The following TMED3 variants were observed in gnomAD, a reference collection of about 807,000 sequenced individuals.
The protein encoded by TMED3 is transmembrane emp24 domain-containing protein 3.
In TMED3, 9 loss-of-function variants were observed where a neutral mutation model predicts 15.0. The ratio of observed to expected loss-of-function variants is 0.60; its 90% confidence interval spans 0.36 to 1.04. TMED3 has a LOEUF of 1.04. Ranked by LOEUF, TMED3 falls within the 50% of genes least tolerant of loss-of-function variation. The pLI is 0.01. For missense variants in TMED3, 267 were observed against 278.9 expected (o/e 0.96, Z 0.30); for synonymous variants, 117 against 121.4 (o/e 0.96, Z 0.24).
chr15:79,380,464 T>G (rs978161870), intron 2 of TMED3, among the ~76,000 whole-genome samples: 14 of 147,432 alleles, frequency 9.5e-5, no homozygotes, highest in Admixed American at 8.2e-4. Flanking sequence ...ATGTTATATA[T>G]GGTTATATAT....
At chr15:79,352,090 G>T (rs576998279) in intron 2 of TMED3, among the ~76,000 whole-genome samples, 142 of 151,874 alleles carry the variant, frequency 9.3e-4, no homozygotes, top group African/African-American at 3.4e-3. Context: ...GGGGGGTGAG[G>T]GGTAAAAACC....
intron 2 of TMED3, among the ~76,000 whole-genome samples, chr15:79,333,167 C>T (rs2058815697): frequency 6.6e-6 from 1 of 152,210 alleles, no homozygotes; most frequent in Middle Eastern, 3.2e-3. Flanking sequence ...TTACCTGGTA[C>T]AGGTCTACTG....
chr15:79,405,952 A>G (rs1265831361), intron 2 of TMED3, among the ~76,000 whole-genome samples: 2 of 152,246 alleles, frequency 1.3e-5, no homozygotes, highest in African/African-American at 4.8e-5. Context: ...TGCCAGCTCA[A>G]TAGCCACAGT....
chr15:79,333,418 G>C (rs538083144), intron 2 of TMED3, among the ~76,000 whole-genome samples: 2 of 152,266 alleles, frequency 1.3e-5, no homozygotes, highest in Non-Finnish European at 2.9e-5. Flanking sequence ...GAAAGCAACT[G>C]TCTTTTTCCT....
rs537271134 is a variant in TMED3, at chr15:79,405,200, A to G, written c.418-6200A>G. Among the ~76,000 whole-genome samples, 7 of 152,260 alleles carry G rather than the reference A, an allele frequency of 4.6e-5. No homozygotes were observed. The South Asian group carries it at 1.5e-3, about 32-fold the overall frequency. ...AGCAGCATGACAGAAGATACTCTCA[A>G]ATGGCAAGCTATTCCCTGCTGCAGA... On this transcript the variant is annotated intron_variant, in intron 2 of 2. Transcript: ENST00000424155.
rs190357775 is a variant in TMED3, at chr15:79,329,874, C to G, written c.417+15869C>G. Among the ~76,000 whole-genome samples, 261 of 152,196 alleles carry G rather than the reference C, an allele frequency of 1.7e-3. 1 individual carries two copies. Among genetic ancestry groups the G allele is most frequent in the African/African-American group, 5.9e-3 (246 of 41,508 alleles). On this transcript the variant is annotated intron_variant, in intron 2 of 2. Transcript: ENST00000424155. ...TTTTAAGCAGCATGATAAATATACT[C>G]TACAAGAGAATATTTTAATAATATT...
At chr15:79,335,844 A>C (rs150253974) in intron 2 of TMED3, among the ~76,000 whole-genome samples, 68 of 152,344 alleles carry the variant, frequency 4.5e-4, no homozygotes, top group Middle Eastern at 6.8e-3. Flanking sequence ...TGACTACAAA[A>C]GAAATTACAT....
chr15:79,413,636 G>A (rs1894025372), exon 3 of TMED3: 1 of 152,238 alleles, frequency 6.6e-6, no homozygotes, highest in Admixed American at 6.5e-5. Context: ...GCTAGGTACT[G>A]GGAGGATACA....
chr15:79,347,323 A>T (rs992720581), intron 2 of TMED3, among the ~76,000 whole-genome samples: 10 of 152,224 alleles, frequency 6.6e-5, no homozygotes, highest in African/African-American at 2.4e-4. Context: ...TTTCAATAAA[A>T]TTCAACACTG....
intron 2 of TMED3, among the ~76,000 whole-genome samples, chr15:79,402,957 G>C (rs1350989565): frequency 6.6e-6 from 1 of 151,584 alleles, no homozygotes; most frequent in African/African-American, 2.4e-5. Context: ...AGTGGCTCAT[G>C]CCTGTAATCC....
chr15:79,321,970 C>G lies in TMED3; in HGVS notation c.418-8C>G. ...TAGCAGTGTGACTGCTTTTCTCTTC[C>G]TGCCCAGATGGAGTCCGCCTGCGTG... On this transcript the variant is annotated splice_region_variant and splice_polypyrimidine_tract_variant and intron_variant, in intron 2 of 2. Coordinates refer to ENST00000299705, the MANE Select transcript of TMED3 (RefSeq NM_007364.4). 1 of 1,613,328 alleles carries G rather than the reference C, an allele frequency of 6.2e-7. No homozygotes were observed. The highest frequency in any genetic ancestry group is 8.5e-7 in the Non-Finnish European group (1 of 1,179,494).
intron 2 of TMED3, among the ~76,000 whole-genome samples, chr15:79,338,019 CAG>C (rs2058833271): frequency 1.3e-5 from 2 of 152,034 alleles, no homozygotes; most frequent in Admixed American, 6.5e-5. Context: ...GAAGACACAC[CAG>C]AGTGTACAGT....
chr15:79,388,697 C>G (rs1893659076), intron 2 of TMED3, among the ~76,000 whole-genome samples: 1 of 152,042 alleles, frequency 6.6e-6, no homozygotes, highest in South Asian at 2.1e-4. Flanking sequence ...AGTGGCTGTA[C>G]TAGTTCCTAC....
intron 2 of TMED3, among the ~76,000 whole-genome samples, chr15:79,315,751 C>G (rs968417313): frequency 1.3e-5 from 2 of 152,232 alleles, no homozygotes; most frequent in Non-Finnish European, 2.9e-5. Flanking sequence ...TACCCCGCCA[C>G]CTTGAACCAT....
chr15:79,313,144 A>G (rs540122225), intron 1 of TMED3, among the ~76,000 whole-genome samples: 1 of 152,326 alleles, frequency 6.6e-6, no homozygotes, highest in South Asian at 2.1e-4. Flanking sequence ...CACATGGCTA[A>G]TGAGTGGCAG....
At chr15:79,405,360 A>G (rs1230321813) in intron 2 of TMED3, among the ~76,000 whole-genome samples, 1 of 152,150 alleles carries the variant, frequency 6.6e-6, no homozygotes, top group Non-Finnish European at 1.5e-5. Flanking sequence ...ACATGGCCTG[A>G]GTGGTGGGAG....
chr15:79,325,846 C>G (rs529632573), downstream of TMED3, among the ~76,000 whole-genome samples: 6 of 152,156 alleles, frequency 3.9e-5, no homozygotes, highest in Non-Finnish European at 8.8e-5. Flanking sequence ...AGATGAAAGC[C>G]GGAAGACTCA....
At chr15:79,375,329 C>T (rs1893405824) in intron 2 of TMED3, among the ~76,000 whole-genome samples, 1 of 152,104 alleles carries the variant, frequency 6.6e-6, no homozygotes, top group Non-Finnish European at 1.5e-5. Context: ...TTGTGTTTAC[C>T]TATCTCTTTC....
intron 2 of TMED3, among the ~76,000 whole-genome samples, chr15:79,407,174 C>A (rs775282085): frequency 1.3e-4 from 20 of 152,220 alleles, no homozygotes. Context: ...GTCTCAACTT[C>A]ATTTGCTGAA....
Sources: gnomAD v4.1 joint callset for allele counts (sites outside exome capture counted in the v4.1 genomes callset) on GRCh38, gnomAD v4.1.1 for gene constraint, MANE v1.5 for transcripts, NCBI Gene and HGNC (gene_info 2026-07-23, HGNC 2026-07-21) for gene names.